The following KLC1 variants were observed in gnomAD, a reference collection of about 807,000 sequenced individuals.
KLC1 encodes the protein kinesin 2 60/70kDa.
KLC1 carries 30 observed loss-of-function variants against 84.2 expected under a neutral mutation model. The ratio of observed to expected loss-of-function variants is 0.36; its 90% CI spans 0.27 to 0.48. The LOEUF is 0.48. KLC1 is among the 20% of genes least tolerant of loss of function. The pLI is 0.99. For missense variants in KLC1, 499 were observed against 805.4 expected, an observed-to-expected ratio of 0.62 and a Z score of 4.60; for synonymous variants, 289 against 293.3, an observed-to-expected ratio of 0.99 and a Z score of 0.15.
intron 1 of KLC1, among the ~76,000 whole-genome samples, chr14:103,651,771 C>T (rs74085246): frequency 4.6e-4 from 70 of 152,328 alleles, no homozygotes; most frequent in African/African-American, 1.6e-3. Context: ...CCTTTGCTGC[C>T]GGGCTGGCAG....
At chr14:103,652,518 A>C (rs905735032) in intron 1 of KLC1, among the ~76,000 whole-genome samples, 1 of 151,688 alleles carries the variant, frequency 6.6e-6, no homozygotes, top group Admixed American at 6.6e-5. Context: ...TTGAGACAGA[A>C]TCTTCCTCTG....
chr14:103,694,869 C>G lies in KLC1; in HGVS notation c.1848+2444C>G. 1 of 985,492 alleles carries G rather than the reference C, an allele frequency of 1.0e-6. No individual in the cohort carries two copies. The highest frequency in any genetic ancestry group is 4.7e-5 in the South Asian group (1 of 21,294). 61.0% of individuals were successfully genotyped at this position (985,492 alleles called of 1,614,324 possible). ...GACTTTAAAATACCTTTCAAAGTTT[C>G]ATCCCGCCTCATGTCGCAGGACTGC... On this transcript the variant is annotated intron_variant, in intron 15 of 16. Coordinates refer to ENST00000334553, the MANE Select transcript of KLC1 (RefSeq NM_001394837.1). This position sits in a 1 kb window ranked among gnomAD's most constrained non-coding sequence, Gnocchi z 4.5.
chr14:103,668,501 G>A (rs969201413), intron 5 of KLC1, among the ~76,000 whole-genome samples: 2 of 151,666 alleles, frequency 1.3e-5, no homozygotes, highest in East Asian at 1.9e-4. Flanking sequence ...CTTTTGAGAC[G>A]GAGTCTTGCT....
intron 1 of KLC1, among the ~76,000 whole-genome samples, chr14:103,630,693 T>C (rs1176324515): frequency 2.6e-5 from 4 of 152,240 alleles, no homozygotes; most frequent in African/African-American, 4.8e-5. Context: ...AAGCCTGTTA[T>C]GGTGAGAAAT....
At chr14:103,639,151 A>C (rs1408747656) in intron 1 of KLC1, among the ~76,000 whole-genome samples, 1 of 152,158 alleles carries the variant, frequency 6.6e-6, no homozygotes, top group Non-Finnish European at 1.5e-5. Context: ...AACATATTGG[A>C]CAGATGCGAA....
rs140687470 is a variant in KLC1, at chr14:103,696,991, CAT to C, written c.1849-3663_1849-3662del. 3.7e-3 allele frequency: 3,653 copies of C among 985,478 alleles called. 103 individuals carry two copies. The African/African-American group carries it at 0.059, about 16-fold the overall frequency. The allele number at this position is 985,478 out of a possible 1,614,324, so 61.0% of individuals were successfully genotyped here. On this transcript the variant is annotated intron_variant, in intron 15 of 16. Coordinates refer to ENST00000334553, the MANE Select transcript of KLC1 (RefSeq NM_001394837.1). Reference sequence around the variant, plus strand: ...CCTCCAGGGGCAGGAACTGAGCCAGCATGGGCGGGGCCGGCCGAGCTTCCAGG... The same window carrying C: ...CCTCCAGGGGCAGGAACTGAGCCAGCGGGCGGGGCCGGCCGAGCTTCCAGG...
Position 103,662,754 on chromosome 14 carries a change from G to A in KLC1, c.624G>A (p.Glu208=), listed in dbSNP as rs1187881827. ...CGGCTGCCCAGCAGGGCGGCTACGA[G>A]ATCCCCGCGCGGCTGCGGACGCTCC... ...AAAAAQQGGY[E]IPARLRTLHN... The change falls in exon 5 of 17, where the codon GAG becomes GAA. Residue 208 remains glutamate (E), a synonymous_variant. Transcript: ENST00000334553. 6.2e-7 allele frequency: 1 copy of A among 1,610,886 alleles called. No individual in the cohort carries two copies. Among genetic ancestry groups the A allele is most frequent in the Non-Finnish European group, 8.5e-7 (1 of 1,178,798 alleles).
Position 103,672,288 on chromosome 14 carries a change from A to T in KLC1, c.988-726A>T, listed in dbSNP as rs149592158. Among the ~76,000 whole-genome samples the T allele has an allele frequency of 9.0e-4, 137 of 152,330 alleles. 1 individual carries two copies. Among genetic ancestry groups the T allele is most frequent in the Admixed American group, 6.5e-3 (100 of 15,294 alleles). On this transcript the variant is annotated intron_variant, in intron 7 of 16. Coordinates refer to ENST00000334553, the MANE Select transcript of KLC1 (RefSeq NM_001394837.1). ...TGAGGACCACATGTGTAAAGGCACA[A>T]AGCGGAGAGAACTCATCACTTGTTC...
At chr14:103,696,614 C>G in intron 15 of KLC1, 1 of 985,518 alleles carries the variant, frequency 1.0e-6, no homozygotes, top group Non-Finnish European at 1.2e-6. Flanking sequence ...CACTTACCAG[C>G]TCTGACCGTG....
intron 13 of KLC1, among the ~76,000 whole-genome samples, chr14:103,681,703 C>A (rs143532069): frequency 6.6e-6 from 1 of 152,140 alleles, no homozygotes; most frequent in East Asian, 1.9e-4. Context: ...GTGATCTGCC[C>A]GCCTCGGCCT....
chr14:103,673,303 T>C (rs766879745), intron 8 of KLC1, 29 bp from the exon 9 acceptor site: 106 of 1,541,884 alleles, frequency 6.9e-5, no homozygotes, highest in African/African-American at 4.3e-5. Flanking sequence ...CTGAAAGATA[T>C]GAAATATTTT....
At chr14:103,686,998 A>G in intron 13 of KLC1, 83 bp from the exon 14 acceptor site, 5 of 1,142,692 alleles carry the variant, frequency 4.4e-6, no homozygotes, top group Non-Finnish European at 6.2e-6. Flanking sequence ...GCCTTGGTGG[A>G]GCTCTTATTT....
intron 1 of KLC1, among the ~76,000 whole-genome samples, chr14:103,645,209 G>A (rs568164655): frequency 6.6e-5 from 10 of 152,020 alleles, no homozygotes; most frequent in Admixed American, 3.9e-4. Flanking sequence ...CCGACCTCAG[G>A]TGATCCGCCC....
chr14:103,698,611 C>T, intron 15 of KLC1: 2 of 638,654 alleles, frequency 3.1e-6, no homozygotes, highest in Non-Finnish European at 5.5e-6. Context: ...CAGAACATCC[C>T]CCCAGCTCAG....
intron 14 of KLC1, chr14:103,687,616 G>C (rs575626400): frequency 1.3e-5 from 2 of 153,676 alleles, no homozygotes; most frequent in East Asian, 1.9e-4. Flanking sequence ...AAATAAATCA[G>C]ATGTTAGCTA....
intron 1 of KLC1, among the ~76,000 whole-genome samples, chr14:103,637,796 TC>T (rs1243808776): frequency 6.6e-6 from 1 of 152,122 alleles, no homozygotes; most frequent in Non-Finnish European, 1.5e-5. Context: ...AGCCTCGTGT[TC>T]AAGTGATCGT....
At chr14:103,700,799 T>TC (rs1555427365) in intron 16 of KLC1, 72 bp downstream of exon 16, 2 of 1,215,906 alleles carry the variant, frequency 1.6e-6, no homozygotes, top group Admixed American at 4.8e-5. Flanking sequence ...ATGCAGGGAC[T>TC]GGGGGGAGCT....
At chr14:103,664,024 G>A (rs980756612) in intron 5 of KLC1, among the ~76,000 whole-genome samples, 4 of 152,138 alleles carry the variant, frequency 2.6e-5, no homozygotes, top group Non-Finnish European at 5.9e-5. Flanking sequence ...AAATGAGGCC[G>A]TTCCCTTTGG....
rs575889890 is a variant in KLC1 at position 103,646,483 on chromosome 14, TTAAA to T, written c.-1-8080_-1-8077del. ...GCCCATCTAATTTTTAATTTTTTAA[TTAAA>T]ATATTATATGTATGCATATATATGT... On this transcript the variant is annotated intron_variant, in intron 1 of 16. Transcript: ENST00000334553. Among the ~76,000 whole-genome samples the T allele has an allele frequency of 1.5e-3, 232 of 152,202 alleles. 1 individual carries two copies. Among genetic ancestry groups the T allele is most frequent in the African/African-American group, 5.3e-3 (221 of 41,536 alleles).
Sources: gnomAD v4.1 joint callset for allele counts (sites outside exome capture counted in the v4.1 genomes callset) on GRCh38, gnomAD v4.1.1 for gene constraint, Gnocchi (gnomAD v3.1) non-coding constraint, MANE v1.5 for transcripts, NCBI Gene and HGNC (gene_info 2026-07-23, HGNC 2026-07-21) for gene names.